Variants in CORIN observed in about 807,000 individuals in gnomAD.
CORIN encodes the protein corin, serine peptidase.
Under a neutral mutation model 125.3 loss-of-function variants are expected in CORIN, and 117 were observed. The observed-to-expected ratio is 0.93, with a 90% CI of 0.80 to 1.09. CORIN has a LOEUF of 1.09. Ranked by LOEUF, CORIN falls within the 50% of genes least tolerant of loss-of-function variation. The pLI is 0.00. For synonymous variants in CORIN, 450 were observed against 466.4 expected, an observed-to-expected ratio of 0.96 and a Z score of 0.45; for missense variants, 1,253 against 1,306.7, an observed-to-expected ratio of 0.96 and a Z score of 0.63.
At chr4:47,624,262 C>T (rs1722461686) in intron 17 of CORIN, among the ~76,000 whole-genome samples, 1 of 152,102 alleles carries the variant, frequency 6.6e-6, no homozygotes, top group Non-Finnish European at 1.5e-5. Context: ...AACAAAATTT[C>T]CCACATCATT....
chr4:47,735,287 A>G (rs1728072513), intron 5 of CORIN, among the ~76,000 whole-genome samples: 1 of 152,194 alleles, frequency 6.6e-6, no homozygotes, highest in Non-Finnish European at 1.5e-5. Flanking sequence ...CATCCTGTTT[A>G]CCCATAAAGC....
intron 2 of CORIN, among the ~76,000 whole-genome samples, chr4:47,803,601 G>A (rs1163367791): frequency 6.6e-6 from 1 of 152,180 alleles, no homozygotes; most frequent in African/African-American, 2.4e-5. Context: ...AACATACATT[G>A]CGGAAAGAAC....
intron 2 of CORIN, among the ~76,000 whole-genome samples, chr4:47,794,769 T>TA (rs1206826532): frequency 3.3e-5 from 5 of 152,136 alleles, no homozygotes; most frequent in African/African-American, 1.2e-4. Flanking sequence ...CCTTTCTCCA[T>TA]ACAGCTGCCA....
chr4:47,598,847 G>T (rs1721346288), intron 21 of CORIN, among the ~76,000 whole-genome samples: 1 of 152,162 alleles, frequency 6.6e-6, no homozygotes, highest in Admixed American at 6.5e-5. Context: ...GCACTAAATT[G>T]ATAGCTGTTA....
intron 5 of CORIN, among the ~76,000 whole-genome samples, chr4:47,743,297 T>C (rs1392598599): frequency 1.3e-5 from 2 of 152,130 alleles, no homozygotes; most frequent in African/African-American, 2.4e-5. Context: ...AGGCAAGCCA[T>C]AGGGCATGAG....
chr4:47,618,341 AAAAGGAAAGG>A (rs1395773992), intron 19 of CORIN, among the ~76,000 whole-genome samples: 2 of 143,630 alleles, frequency 1.4e-5, no homozygotes, highest in East Asian at 3.9e-4. Context: ...TCAAAAAAAA[AAAAGGAAAGG>A]AAAGGAAAGG....
chr4:47,601,680 G>C (rs942871448), intron 20 of CORIN, among the ~76,000 whole-genome samples: 3 of 152,056 alleles, frequency 2.0e-5, no homozygotes, highest in African/African-American at 4.8e-5. Context: ...ATCAAGCATA[G>C]TCTGCTCTTA....
At chr4:47,821,222 G>A (rs560977755) in intron 1 of CORIN, among the ~76,000 whole-genome samples, 7 of 151,496 alleles carry the variant, frequency 4.6e-5, no homozygotes, top group Admixed American at 1.3e-4. Context: ...ACGACAGAGC[G>A]AGACCCCATC....
At position 47,692,975 on chromosome 4, in the gene CORIN, T is replaced by C. The variant is rs761519531; in HGVS notation, c.908A>G (p.His303Arg). ...NDCDDWSDEA[H>R]CNCSENLFHC... ...CTAAACAGCTTGTCACATACTGCAATGAGCCTCGTCACTCCAGTCGTCACA... is the reference window on the plus strand; with the variant it reads ...CTAAACAGCTTGTCACATACTGCAACGAGCCTCGTCACTCCAGTCGTCACA... Residue 303 changes from histidine (H) to arginine (R), a missense_variant, in exon 6 of 22, where the codon CAT becomes CGT. His to Arg is a conservative substitution (Grantham distance 29, BLOSUM62 0). Transcript: ENST00000273857. 5 of 1,611,648 alleles carry C rather than the reference T, an allele frequency of 3.1e-6. 1 individual carries two copies. The highest frequency in any genetic ancestry group is 4.2e-6 in the Non-Finnish European group (5 of 1,177,948).
intron 1 of CORIN, among the ~76,000 whole-genome samples, chr4:47,829,747 C>T (rs1456999538): frequency 1.3e-5 from 2 of 152,190 alleles, no homozygotes; most frequent in Non-Finnish European, 2.9e-5. Context: ...AAGGAAAAAA[C>T]ACACCACTTG....
At chr4:47,727,594 G>T (rs184490547) in intron 5 of CORIN, among the ~76,000 whole-genome samples, 11 of 151,960 alleles carry the variant, frequency 7.2e-5, no homozygotes, top group African/African-American at 2.2e-4. Flanking sequence ...CATGGTAGGG[G>T]GATAAAAATA....
At chr4:47,677,896 C>A (rs372766976) in intron 9 of CORIN, 42 bp downstream of exon 9, 3 of 1,350,776 alleles carry the variant, frequency 2.2e-6, no homozygotes, top group Non-Finnish European at 3.2e-6. Context: ...AAGGAGAGGA[C>A]CACCAGTAAA....
chr4:47,833,521 C>CAAAA (rs75657429), intron 1 of CORIN, among the ~76,000 whole-genome samples: 1 of 115,040 alleles, frequency 8.7e-6, no homozygotes, highest in African/African-American at 3.5e-5. Flanking sequence ...AAAGCATAGG[C>CAAAA]AAAAAAAAAA....
chr4:47,759,067 G>A (rs1729328126), intron 4 of CORIN, among the ~76,000 whole-genome samples: 1 of 152,130 alleles, frequency 6.6e-6, no homozygotes, highest in South Asian at 2.1e-4. Context: ...ACAGTAAACT[G>A]GTTTTTGACA....
chr4:47,719,813 G>A (rs369179994), intron 5 of CORIN, among the ~76,000 whole-genome samples: 39 of 152,158 alleles, frequency 2.6e-4, no homozygotes, highest in African/African-American at 7.5e-4. Context: ...GTCAGATCCC[G>A]TGGGGCCACT....
intron 16 of CORIN, among the ~76,000 whole-genome samples, chr4:47,628,582 A>G (rs1268534469): frequency 3.3e-5 from 5 of 151,990 alleles, no homozygotes; most frequent in Non-Finnish European, 7.4e-5. Flanking sequence ...TTCATTCCAC[A>G]TTACCAAATC....
rs1337567208 is a variant in CORIN, at chr4:47,763,418, G to A, written c.578C>T (p.Thr193Ile). 6.2e-7 allele frequency: 1 copy of A among 1,614,062 alleles called. No homozygotes were observed. The highest frequency in any genetic ancestry group is 1.1e-5 in the South Asian group (1 of 91,052). The change falls in exon 4 of 22, where the codon ACC (threonine) becomes ATC (isoleucine). Residue 193 changes from threonine (T) to isoleucine (I), a missense_variant. Transcript: ENST00000273857. ...CYQHIMLFGC[T>I]LAFPECIIDG... ...AATGATGCACTCAGGGAAGGCGAGG[G>A]TACAGCCAAACAGCATGATATGTTG... is the stretch of plus-strand genomic sequence containing the variant.
intron 3 of CORIN, 66 bp from the exon 4 acceptor site, chr4:47,763,652 T>A: frequency 7.3e-7 from 1 of 1,373,898 alleles, no homozygotes; most frequent in Non-Finnish European, 1.0e-6. Flanking sequence ...CAAACTCATT[T>A]AATATTTGTT....
intron 1 of CORIN, among the ~76,000 whole-genome samples, chr4:47,821,869 C>A (rs1732531580): frequency 6.6e-6 from 1 of 152,132 alleles, no homozygotes. Context: ...TAAAAGAGTT[C>A]TATAAATGTT....
Sources: gnomAD v4.1 joint callset for allele counts (sites outside exome capture counted in the v4.1 genomes callset) on GRCh38, gnomAD v4.1.1 for gene constraint, MANE v1.5 for transcripts, NCBI Gene and HGNC (gene_info 2026-07-23, HGNC 2026-07-21) for gene names.